ACOT9: variants seen among roughly 807,000 people sequenced by gnomAD.
The protein encoded by ACOT9 is acyl-CoA thioesterase 9, also known as acyl-coenzyme A thioesterase 9, mitochondrial.
A neutral mutation model predicts 39.7 loss-of-function variants in ACOT9; 34 were observed. The ratio of observed to expected loss-of-function variants is 0.86; its 90% CI spans 0.65 to 1.14. ACOT9 has a LOEUF of 1.14. ACOT9 is among the 50% of genes most tolerant of loss of function. The pLI is 0.00. For synonymous variants in ACOT9, 110 were observed against 120.5 expected, an observed-to-expected ratio of 0.91 and a Z score of 0.57; for missense variants, 313 against 344.1, an observed-to-expected ratio of 0.91 and a Z score of 0.71.
chrX:23,705,432 T>C lies in ACOT9; in HGVS notation c.1019+77A>G. On this transcript the variant is annotated intron_variant, in intron 13 of 15. Coordinates refer to ENST00000379303, the MANE Select transcript of ACOT9 (RefSeq NM_001037171.2). Reference sequence around the variant, plus strand: ...AACATATTCCCACACACACCCAGACTGGTCCGAAATGTTTCATTTCAGTGG... The same window carrying C: ...AACATATTCCCACACACACCCAGACCGGTCCGAAATGTTTCATTTCAGTGG... 3 of 790,769 alleles carry C rather than the reference T, an allele frequency of 3.8e-6. No homozygotes were observed. The East Asian group carries it at 9.5e-5, about 25-fold the overall frequency. The allele number at this position is 790,769 out of a possible 1,213,427, so 65.2% of individuals were successfully genotyped here. A position where few individuals can be genotyped will look rare whatever the true frequency, so the allele number is the denominator to read the frequency against.
At chrX:23,733,728 T>C (rs1478369540) in intron 3 of ACOT9, among the ~76,000 whole-genome samples, 1 of 104,531 alleles carries the variant, frequency 9.6e-6, no homozygotes, top group African/African-American at 3.7e-5. Flanking sequence ...ACAGGCGCTG[T>C]GCCACCACAC....
chrX:23,718,033 A>G (rs1196762696), intron 8 of ACOT9, among the ~76,000 whole-genome samples: 1 of 108,604 alleles, frequency 9.2e-6, no homozygotes, highest in Non-Finnish European at 1.9e-5. Context: ...GGCTGCAGTG[A>G]GCCGAGATCA....
chrX:23,713,572 AAGAG>A (rs1178210791), intron 8 of ACOT9, among the ~76,000 whole-genome samples: 45 of 107,000 alleles, frequency 4.2e-4, no homozygotes, highest in Non-Finnish European at 5.8e-4. Context: ...AAAAAAAAAA[AAGAG>A]AGAGAGAGAG....
At position 23,736,030 on chromosome X, in the gene ACOT9, T is replaced by C. The variant is rs1252751042; in HGVS notation, c.21-14A>G. ...AAGGCACAAAGCCTATAAAACAAGA[T>C]AAAACACAGAGCAGATCCCACAGCT... On this transcript the variant is annotated splice_polypyrimidine_tract_variant and intron_variant, in intron 1 of 15. Coordinates refer to ENST00000379303, the MANE Select transcript of ACOT9 (RefSeq NM_001037171.2). The C allele has an allele frequency of 5.0e-6, 6 of 1,188,651 alleles. No individual in the cohort carries two copies. In the South Asian group the frequency reaches 9.1e-5, roughly 18 times the overall value.
At chrX:23,713,992 C>G (rs1928993756) in intron 8 of ACOT9, among the ~76,000 whole-genome samples, 1 of 111,022 alleles carries the variant, frequency 9.0e-6, no homozygotes, top group Non-Finnish European at 1.9e-5. Flanking sequence ...GAGCTATGAT[C>G]ACGACCCTGC....
chrX:23,707,390 G>T (rs1470009631), intron 10 of ACOT9, among the ~76,000 whole-genome samples: 1 of 110,857 alleles, frequency 9.0e-6, no homozygotes, highest in Non-Finnish European at 1.9e-5. Context: ...TCAAAGTATG[G>T]ACTCCAAAGA....
chrX:23,713,505 G>A (rs901798597), intron 8 of ACOT9, among the ~76,000 whole-genome samples: 3 of 105,205 alleles, frequency 2.9e-5, no homozygotes, highest in African/African-American at 1.0e-4. Context: ...CTTGAACCCA[G>A]GAGGCCAAGG....
intron 1 of ACOT9, among the ~76,000 whole-genome samples, chrX:23,740,352 CCG>C (rs1389350230): frequency 9.0e-6 from 1 of 110,601 alleles, no homozygotes; most frequent in East Asian, 2.8e-4. Context: ...AGTGATCTGC[CCG>C]CCTCAGTATC....
At chrX:23,736,674 C>A (rs5970786) in intron 1 of ACOT9, among the ~76,000 whole-genome samples, 37,692 of 108,749 alleles carry the variant, frequency 0.35, 5,956 homozygotes, top group African/African-American at 0.61. Context: ...CAAAAATTAG[C>A]CGGGCGTGGT....
chrX:23,710,864 G>A (rs1308599298), intron 9 of ACOT9, among the ~76,000 whole-genome samples: 2 of 110,048 alleles, frequency 1.8e-5, no homozygotes, highest in East Asian at 2.9e-4. Context: ...AGCTCGGCAT[G>A]GTGGTATGTG....
Position 23,733,232 on chromosome X carries a change from A to G in ACOT9, c.146-15T>C. 8.3e-7 allele frequency: 1 copy of G among 1,201,067 alleles called. No homozygotes were observed. The highest frequency in any genetic ancestry group is 1.8e-5 in the South Asian group (1 of 56,498). The stretch of plus-strand genomic sequence containing the variant: ...CTTATCTCGAACTGAAACAAAAATA[A>G]AGAGGTCATTCCATGAAACAAAGAA... On this transcript the variant is annotated splice_polypyrimidine_tract_variant and intron_variant, in intron 3 of 15. Transcript: ENST00000379303.
intron 10 of ACOT9, chrX:23,707,606 G>A (rs1162203518): frequency 6.8e-5 from 11 of 161,051 alleles, no homozygotes; most frequent in East Asian, 2.9e-4. Flanking sequence ...GTGTGGTGGC[G>A]CGCACCTGTA....
rs781423062 is a variant in ACOT9, at chrX:23,705,085, TG to T, written c.1020-6del. On this transcript the variant is annotated splice_region_variant and splice_polypyrimidine_tract_variant and intron_variant, in intron 13 of 15. Transcript: ENST00000379303. ...ACCACAAACGGTCGAGAACCACTGT[TG>T]GGGGAAAGGACAGAATTTGGGGTAT... is the stretch of plus-strand genomic sequence containing the variant. 2.8e-5 allele frequency: 34 copies of T among 1,204,965 alleles called. No homozygotes were observed. In the African/African-American group the frequency reaches 5.4e-4, roughly 19 times the overall value.
At chrX:23,734,404 CA>C (rs751010836) in intron 2 of ACOT9, 37 bp from the exon 3 acceptor site, 2 of 1,094,006 alleles carry the variant, frequency 1.8e-6, no homozygotes, top group Non-Finnish European at 2.5e-6. Flanking sequence ...AGAGAACCAG[CA>C]ATAATTCAAA....
chrX:23,713,627 A>C (rs983005635), intron 8 of ACOT9, among the ~76,000 whole-genome samples: 1 of 109,714 alleles, frequency 9.1e-6, no homozygotes, highest in African/African-American at 3.3e-5. Flanking sequence ...AAGCACTCTC[A>C]TTAACCACCG....
At chrX:23,708,467 T>G (rs1247493833) in intron 9 of ACOT9, among the ~76,000 whole-genome samples, 1 of 107,512 alleles carries the variant, frequency 9.3e-6, no homozygotes, top group Admixed American at 1.0e-4. Flanking sequence ...GAGGTGGAGG[T>G]TGCGGTGAGC....
intron 1 of ACOT9, among the ~76,000 whole-genome samples, chrX:23,741,819 C>A (rs1446760808): frequency 9.0e-6 from 1 of 111,014 alleles, no homozygotes; most frequent in African/African-American, 3.3e-5. Context: ...TGACTACAGA[C>A]ATGCACCACC....
chrX:23,708,056 T>C, intron 9 of ACOT9, 112 bp from the exon 10 acceptor site: 2 of 630,791 alleles, frequency 3.2e-6, no homozygotes, highest in Non-Finnish European at 2.4e-6. Flanking sequence ...TTTTGGGTAG[T>C]GCTTACTGCT....
Position 23,719,632 on chromosome X carries a change from A to G in ACOT9, c.588+2249T>C, listed in dbSNP as rs185594701. On this transcript the variant is annotated intron_variant, in intron 8 of 15. Transcript: ENST00000379303. ...AGATCATCGGGCACTAGATTCTCCTAAGGAGTGTGCAACCTAGATCCCTCA... is the reference window on the plus strand; with the variant it reads ...AGATCATCGGGCACTAGATTCTCCTGAGGAGTGTGCAACCTAGATCCCTCA... Among the ~76,000 whole-genome samples, 374 of 110,526 alleles carry G rather than the reference A, an allele frequency of 3.4e-3. 2 individuals carry two copies. The highest frequency in any genetic ancestry group is 0.011 in the African/African-American group (343 of 30,418).
Sources: allele counts gnomAD v4.1 joint callset (sites outside exome capture counted in the v4.1 genomes callset), GRCh38; gene constraint gnomAD v4.1.1; transcripts MANE v1.5; gene names NCBI Gene and HGNC (gene_info 2026-07-23, HGNC 2026-07-21).